The following TMEM38B variants were observed in gnomAD, a reference collection of about 807,000 sequenced individuals.
TMEM38B encodes trimeric intracellular cation channel type B.
TMEM38B carries 24 observed loss-of-function variants against 28.7 expected under a neutral mutation model. The observed-to-expected ratio is 0.84, with a 90% CI of 0.61 to 1.18. The LOEUF is 1.18. TMEM38B is among the 50% of genes most tolerant of loss of function. TMEM38B has a pLI of 0.00. For synonymous variants in TMEM38B, 131 were observed against 127.7 expected, an observed-to-expected ratio of 1.03 and a Z score of -0.17; for missense variants, 380 against 350.9, an observed-to-expected ratio of 1.08 and a Z score of -0.66.
intron 5 of TMEM38B, among the ~76,000 whole-genome samples, chr9:105,756,758 T>C (rs1837846503): frequency 6.6e-6 from 1 of 152,160 alleles, no homozygotes; most frequent in African/African-American, 2.4e-5. Context: ...TGAACATCTC[T>C]TATAATATTT....
At chr9:105,716,749 A>G (rs1448797685) in intron 2 of TMEM38B, among the ~76,000 whole-genome samples, 2 of 152,216 alleles carry the variant, frequency 1.3e-5, no homozygotes, top group Non-Finnish European at 2.9e-5. Context: ...GGAGACTTTC[A>G]TGATGATCCA....
chr9:105,760,624 G>A (rs1390374436), intron 5 of TMEM38B: 3 of 791,060 alleles, frequency 3.8e-6, no homozygotes, highest in Non-Finnish European at 6.8e-6. Flanking sequence ...GTTTCAGAAG[G>A]AATACCCCTT....
At chr9:105,725,931 ATTAACC>A (rs1836493285) in intron 4 of TMEM38B, among the ~76,000 whole-genome samples, 1 of 152,158 alleles carries the variant, frequency 6.6e-6, no homozygotes, top group Non-Finnish European at 1.5e-5. Context: ...TTAATAATAA[ATTAACC>A]TTAGCTTACT....
chr9:105,695,360 C>T (rs573143624), intron 1 of TMEM38B, among the ~76,000 whole-genome samples: 14 of 152,254 alleles, frequency 9.2e-5, no homozygotes, highest in Non-Finnish European at 1.5e-4. Context: ...CACGCAGTGT[C>T]CTAACACCCT....
rs990463952 is a variant in TMEM38B at position 105,775,460 on chromosome 9, C to T, written c.*1380C>T. On this transcript the variant is annotated 3_prime_UTR_variant, in exon 6 of 6. Transcript: ENST00000374692. ...AGGTATTTTCGATGGTTTAGAAGTA[C>T]TCAAGTCACATCACATTCAAGTTAG... 3.1e-4 allele frequency: 47 copies of T among 152,032 alleles called. No homozygotes were observed. Among genetic ancestry groups the T allele is most frequent in the African/African-American group, 1.1e-3 (44 of 41,418 alleles). 9.4% of individuals were successfully genotyped at this position (152,032 alleles called of 1,614,324 possible).
chr9:105,760,540 G>A (rs2133638343), intron 5 of TMEM38B: 1 of 744,370 alleles, frequency 1.3e-6, no homozygotes, highest in Non-Finnish European at 2.4e-6. Flanking sequence ...TCAAGCTGCA[G>A]TTACAGAACT....
intron 5 of TMEM38B, chr9:105,759,100 G>A (rs1160341359): frequency 3.8e-6 from 3 of 788,842 alleles, no homozygotes; most frequent in Non-Finnish European, 7.0e-6. Context: ...AATTGGCCAA[G>A]AAGTGATGAT....
At chr9:105,696,597 G>A (rs1347902724) in intron 1 of TMEM38B, among the ~76,000 whole-genome samples, 2 of 152,228 alleles carry the variant, frequency 1.3e-5, no homozygotes, top group African/African-American at 4.8e-5. Context: ...GGTCTATGCA[G>A]TCCTATCCCC....
intron 1 of TMEM38B, among the ~76,000 whole-genome samples, chr9:105,697,223 C>T (rs1835319233): frequency 6.6e-6 from 1 of 152,150 alleles, no homozygotes; most frequent in South Asian, 2.1e-4. Flanking sequence ...TAAGCTGTCC[C>T]CTATCCTTGG....
intron 4 of TMEM38B, among the ~76,000 whole-genome samples, chr9:105,725,792 C>T (rs1307756367): frequency 6.6e-6 from 1 of 152,166 alleles, no homozygotes; most frequent in African/African-American, 2.4e-5. Flanking sequence ...GGTGGCAGGA[C>T]TGGAAGTTGC....
In TMEM38B at chr9:105,773,866, T is replaced by C. The variant is rs201882609; in HGVS notation, c.662T>C (p.Ile221Thr). Residue 221 changes from isoleucine to threonine, a missense_variant and splice_region_variant, in exon 6 of 6, where the codon ATA becomes ACA. Ile to Thr is a moderately conservative substitution (Grantham distance 89). Coordinates refer to ENST00000374692, the MANE Select transcript of TMEM38B (RefSeq NM_018112.3). ...CAAAATTAAACTTTTTTCCCCCAGA[T>C]AACCATGATGACTACACAGACTTCT... ...LYTIFIVATK[I>T]TMMTTQTSTM... 317 of 1,602,702 alleles carry C rather than the reference T, an allele frequency of 2.0e-4. No homozygotes were observed. Among genetic ancestry groups the C allele is most frequent in the Middle Eastern group, 1.7e-3 (10 of 6,010 alleles).
At chr9:105,695,422 A>G (rs1835255467) in intron 1 of TMEM38B, among the ~76,000 whole-genome samples, 1 of 152,238 alleles carries the variant, frequency 6.6e-6, no homozygotes, top group South Asian at 2.1e-4. Context: ...CACGACGGAC[A>G]CTGTACAAGC....
At chr9:105,725,661 A>G (rs945073503) in intron 4 of TMEM38B, among the ~76,000 whole-genome samples, 5 of 152,144 alleles carry the variant, frequency 3.3e-5, no homozygotes, top group South Asian at 2.1e-4. Flanking sequence ...ACTATAGGCA[A>G]TTTTAACGTA....
intron 4 of TMEM38B, among the ~76,000 whole-genome samples, chr9:105,738,844 A>G (rs1220232940): frequency 2.0e-5 from 3 of 150,060 alleles, no homozygotes; most frequent in Non-Finnish European, 4.4e-5. Context: ...CAGCCTCCTG[A>G]GTAGCTGGGA....
intron 5 of TMEM38B, among the ~76,000 whole-genome samples, chr9:105,762,585 A>C (rs1223510992): frequency 1.4e-5 from 2 of 141,236 alleles, no homozygotes; most frequent in East Asian, 4.3e-4. Context: ...AAGGACATGA[A>C]CTCATCATTT....
Position 105,767,797 on chromosome 9 carries a change from G to T in TMEM38B, c.661-6068G>T, listed in dbSNP as rs545793896. Among the ~76,000 whole-genome samples, 4 of 152,198 alleles carry T rather than the reference G, an allele frequency of 2.6e-5. No individual in the cohort carries two copies. In the South Asian group the frequency reaches 8.3e-4, roughly 32 times the overall value. Reference sequence around the variant, plus strand: ...CTTACACATTGTTCTTGTATCCTGTGACCTTGCTAAATTGCCTGTTGGTTC... The same window carrying T: ...CTTACACATTGTTCTTGTATCCTGTTACCTTGCTAAATTGCCTGTTGGTTC... On this transcript the variant is annotated intron_variant, in intron 5 of 5. Transcript: ENST00000374692.
chr9:105,770,941 A>C (rs969614105), intron 5 of TMEM38B, among the ~76,000 whole-genome samples: 4 of 152,212 alleles, frequency 2.6e-5, no homozygotes, highest in African/African-American at 9.6e-5. Flanking sequence ...AGTGCTAGGC[A>C]CTATAGAGAA....
At chr9:105,714,880 T>A (rs1290451428) in intron 2 of TMEM38B, among the ~76,000 whole-genome samples, 1 of 152,210 alleles carries the variant, frequency 6.6e-6, no homozygotes, top group Non-Finnish European at 1.5e-5. Context: ...TGTTATTGGG[T>A]TGATCATTAT....
intron 5 of TMEM38B, among the ~76,000 whole-genome samples, chr9:105,756,963 G>C (rs944352231): frequency 6.6e-6 from 1 of 151,908 alleles, no homozygotes; most frequent in African/African-American, 2.4e-5. Context: ...TGGTTACATG[G>C]ATAAGTTCTT....
Sources: gnomAD v4.1 joint callset for allele counts (sites outside exome capture counted in the v4.1 genomes callset) on GRCh38, gnomAD v4.1.1 for gene constraint, MANE v1.5 for transcripts, NCBI Gene and HGNC (gene_info 2026-07-23, HGNC 2026-07-21) for gene names.